The following LPIN2 variants were observed in gnomAD, a reference collection of about 807,000 sequenced individuals.
LPIN2 encodes phosphatidate phosphatase LPIN2.
A neutral mutation model predicts 111.4 loss-of-function variants in LPIN2; 55 were observed. The observed-to-expected ratio is 0.49, with a 90% CI of 0.40 to 0.62. The LOEUF is 0.62. LPIN2 is among the 20% of genes least tolerant of loss of function. The pLI is 0.00. For synonymous variants in LPIN2, 425 were observed against 414.0 expected, an observed-to-expected ratio of 1.03 and a Z score of -0.32; for missense variants, 992 against 1,112.1, an observed-to-expected ratio of 0.89 and a Z score of 1.54.
chr18:2,965,183 CTT>C (rs1223932601), intron 1 of LPIN2, among the ~76,000 whole-genome samples: 1 of 152,016 alleles, frequency 6.6e-6, no homozygotes, highest in Non-Finnish European at 1.5e-5. Context: ...AACTACAATA[CTT>C]ATTAGAGACC....
Position 2,923,784 on chromosome 18 carries a change from GA to G in LPIN2, c.2164del (p.Ser722ProfsTer22). The G allele has an allele frequency of 6.2e-7, 1 of 1,613,814 alleles. No individual in the cohort carries two copies. On this transcript the variant is annotated frameshift_variant, in exon 16 of 20. Transcript: ENST00000677752. LOFTEE classifies it high-confidence loss of function. ...TGGGGAGGGTACCTACTCATTGATG[GA>G]ATGGTAGAGCTTTGCTATACCCTGG... ...THQGIAKLYH[S>X]INENGYKFLY...
rs1171969014 is a variant in LPIN2, at chr18:2,925,260, T to C, written c.1902A>G (p.Ser634=). The C allele has an allele frequency of 1.9e-6, 3 of 1,614,172 alleles. No individual in the cohort carries two copies. Among genetic ancestry groups the C allele is most frequent in the Admixed American group, 1.7e-5 (1 of 60,022 alleles). The change falls in exon 14 of 20, where the codon TCA becomes TCG. Residue 634 remains serine, a synonymous_variant. Transcript: ENST00000677752. The surrounding 1 kb of genome is among the most constrained non-coding windows in gnomAD (Gnocchi z 4.1). ...TEPLSHGSTT[S]YKKSLRLSSD... is the part of the protein sequence containing the mutation. ...AGGAGAGGCGGAGAGACTTCTTATATGAAGTTGTGCTGCCGTGGCTCAGGG... is the reference window on the plus strand; with the variant it reads ...AGGAGAGGCGGAGAGACTTCTTATACGAAGTTGTGCTGCCGTGGCTCAGGG...
chr18:2,992,747 G>T (rs1403822611), intron 1 of LPIN2, among the ~76,000 whole-genome samples: 1 of 152,054 alleles, frequency 6.6e-6, no homozygotes, highest in African/African-American at 2.4e-5. Context: ...ACTTTGGGAG[G>T]TCGAGGCGGG....
chr18:2,996,578 T>C (rs935964286), intron 1 of LPIN2, among the ~76,000 whole-genome samples: 2 of 144,408 alleles, frequency 1.4e-5, no homozygotes, highest in Non-Finnish European at 3.0e-5. Context: ...CCCAGGTTCA[T>C]GCCATTCTCC....
chr18:3,000,558 C>T (rs891198358), intron 1 of LPIN2, among the ~76,000 whole-genome samples: 4 of 152,218 alleles, frequency 2.6e-5, no homozygotes, highest in African/African-American at 7.2e-5. Context: ...CACACCATGC[C>T]CTCCATCAGA....
intron 7 of LPIN2, among the ~76,000 whole-genome samples, chr18:2,935,460 T>A (rs945569335): frequency 6.6e-6 from 1 of 152,150 alleles, no homozygotes; most frequent in Non-Finnish European, 1.5e-5. Flanking sequence ...CTTTAAAAGG[T>A]TACTATCACG....
At chr18:2,990,842 C>G in intron 1 of LPIN2, 1 of 428,148 alleles carries the variant, frequency 2.3e-6, no homozygotes, top group South Asian at 1.8e-5. Context: ...ATCTCTGTTC[C>G]CCGCCGGCAG....
At chr18:2,946,240 A>C (rs1184711855) in intron 4 of LPIN2, 2 of 1,561,034 alleles carry the variant, frequency 1.3e-6, no homozygotes, top group African/African-American at 2.7e-5. Flanking sequence ...CTACTGTCTT[A>C]GGGGCTTGAA....
intron 1 of LPIN2, chr18:2,972,489 C>T (rs1456178422): frequency 6.6e-6 from 1 of 152,192 alleles, no homozygotes; most frequent in Non-Finnish European, 1.5e-5. Flanking sequence ...TATAATTATG[C>T]TACAGAGCAC....
Position 2,985,656 on chromosome 18 carries a change from G to C in LPIN2, c.-9-24807C>G, listed in dbSNP as rs902654345. On this transcript the variant is annotated intron_variant, in intron 1 of 19. Coordinates refer to ENST00000677752, the MANE Select transcript of LPIN2 (RefSeq NM_001375808.2). ...TACTACTAATCCCATAAGTATGTAA[G>C]ACTAGGTATACAGGGCTTTTTAAGA... Among the ~76,000 whole-genome samples the C allele has an allele frequency of 4.6e-5, 7 of 152,178 alleles. No homozygotes were observed. In the East Asian group the frequency reaches 1.4e-3, roughly 29 times the overall value.
chr18:2,952,695 T>C (rs1326500498), intron 3 of LPIN2, among the ~76,000 whole-genome samples: 5 of 152,226 alleles, frequency 3.3e-5, no homozygotes, highest in Non-Finnish European at 7.3e-5. Context: ...ACTTTGAGGA[T>C]TTTTAATTCA....
chr18:2,998,696 G>A (rs2078382395), intron 1 of LPIN2, among the ~76,000 whole-genome samples: 1 of 148,614 alleles, frequency 6.7e-6, no homozygotes, highest in African/African-American at 2.5e-5. Flanking sequence ...TTTTTTTTAA[G>A]CAACAAAGCT....
rs112622218 is a variant in LPIN2 at position 2,982,878 on chromosome 18, T to C, written c.-9-22029A>G. The C allele has an allele frequency of 4.7e-3, 1,761 of 376,774 alleles. 25 individuals are homozygous for C. Among genetic ancestry groups the C allele is most frequent in the African/African-American group, 0.035 (1,611 of 46,214 alleles). 23.3% of individuals were successfully genotyped at this position (376,774 alleles called of 1,614,324 possible). On this transcript the variant is annotated intron_variant, in intron 1 of 19. Transcript: ENST00000677752. ...CAAACTGCTTGCAGACACAGTTATA[T>C]GGCTAAAACTGAAAGGAAATGGTTC...
chr18:2,920,467 G>A (rs374420254), intron 19 of LPIN2, 30 bp from the exon 20 acceptor site: 161 of 1,612,836 alleles, frequency 1.0e-4, no homozygotes, highest in Non-Finnish European at 1.3e-4. Flanking sequence ...AGAGGCACAG[G>A]CTATTACTTC....
intron 1 of LPIN2, among the ~76,000 whole-genome samples, chr18:2,973,684 A>C (rs1233418545): frequency 6.6e-6 from 1 of 152,238 alleles, no homozygotes; most frequent in East Asian, 1.9e-4. Flanking sequence ...AAATGTTTTG[A>C]ATTTTGGATA....
intron 1 of LPIN2, among the ~76,000 whole-genome samples, chr18:2,987,989 G>C (rs1269603914): frequency 7.1e-6 from 1 of 141,528 alleles, no homozygotes; most frequent in Non-Finnish European, 1.5e-5. Context: ...CTCCAGCCTG[G>C]GCGACAGAGT....
At chr18:2,933,405 T>C (rs978850128) in intron 8 of LPIN2, among the ~76,000 whole-genome samples, 2 of 152,216 alleles carry the variant, frequency 1.3e-5, no homozygotes, top group East Asian at 1.9e-4. Flanking sequence ...TGACAGCTTA[T>C]ATTTGAACTT....
chr18:2,918,672 C>T lies in LPIN2; in HGVS notation c.*1621G>A, dbSNP rs1445139185. The T allele has an allele frequency of 6.6e-6, 1 of 152,192 alleles. No homozygotes were observed. The highest frequency in any genetic ancestry group is 1.9e-4 in the East Asian group (1 of 5,200). The allele number at this position is 152,192 out of a possible 1,614,324, so 9.4% of individuals were successfully genotyped here. ...CCTTCCTAGGTTTTGCCACTGAGAACTGTGTTTAGGGGATTTCAACATTGT... is the reference window on the plus strand; with the variant it reads ...CCTTCCTAGGTTTTGCCACTGAGAATTGTGTTTAGGGGATTTCAACATTGT... On this transcript the variant is annotated 3_prime_UTR_variant, in exon 20 of 20. Coordinates refer to ENST00000677752, the MANE Select transcript of LPIN2 (RefSeq NM_001375808.2).
At chr18:2,939,825 T>C (rs1043665941) in intron 5 of LPIN2, among the ~76,000 whole-genome samples, 6 of 152,208 alleles carry the variant, frequency 3.9e-5, no homozygotes, top group Admixed American at 3.3e-4. Flanking sequence ...CCAGGTCCTT[T>C]GTAAACAAAC....
Sources: allele counts gnomAD v4.1 joint callset (sites outside exome capture counted in the v4.1 genomes callset), GRCh38; gene constraint gnomAD v4.1.1; non-coding constraint Gnocchi (gnomAD v3.1); transcripts MANE v1.5; gene names NCBI Gene and HGNC (gene_info 2026-07-23, HGNC 2026-07-21).